Variants in NUDT21 observed in about 807,000 individuals in gnomAD.
NUDT21 encodes the protein cleavage and polyadenylation specificity factor subunit 5.
In NUDT21, 5 loss-of-function variants were observed where a neutral mutation model predicts 29.8. The observed-to-expected ratio is 0.17, with a 90% confidence interval of 0.09 to 0.35. The LOEUF is 0.35. NUDT21 is among the 10% of genes least tolerant of loss of function. The pLI is 1.00. For synonymous variants in NUDT21, 113 were observed against 98.5 expected, an observed-to-expected ratio of 1.15 and a Z score of -0.87; for missense variants, 76 against 276.0, an observed-to-expected ratio of 0.28 and a Z score of 5.13.
rs1279874341 is a variant in NUDT21 at position 56,430,502 on chromosome 16, TAATC to T, written c.*2206_*2209del. On this transcript the variant is annotated 3_prime_UTR_variant, in exon 7 of 7. Transcript: ENST00000300291. ...AAGCCACTAAAAAATATGGGTCTAT[TAATC>T]AAGAGCCCATTTCAAAATGATAAGA... is the stretch of plus-strand genomic sequence containing the variant. 4 of 152,226 alleles carry T rather than the reference TAATC, an allele frequency of 2.6e-5. No homozygotes were observed. The highest frequency in any genetic ancestry group is 9.6e-5 in the African/African-American group (4 of 41,462). 9.4% of individuals were successfully genotyped at this position (152,226 alleles called of 1,614,324 possible).
At position 56,430,975 on chromosome 16, in the gene NUDT21, A is replaced by T. The variant is rs1350946713; in HGVS notation, c.*1737T>A. 2 of 152,212 alleles carry T rather than the reference A, an allele frequency of 1.3e-5. No homozygotes were observed. Among genetic ancestry groups the T allele is most frequent in the African/African-American group, 4.8e-5 (2 of 41,460 alleles). 9.4% of individuals were successfully genotyped at this position (152,212 alleles called of 1,614,324 possible). A position where few individuals can be genotyped will look rare whatever the true frequency, so the allele number is the denominator to read the frequency against. On this transcript the variant is annotated 3_prime_UTR_variant, in exon 7 of 7. Coordinates refer to ENST00000300291, the MANE Select transcript of NUDT21 (RefSeq NM_007006.3). The stretch of plus-strand genomic sequence containing the variant: ...TCGAATCAGATGACTCTTCAACTCA[A>T]ACACTCCTTACTGAGAGTACTTTAT...
At chr16:56,443,219 C>T (rs1398029414) in intron 3 of NUDT21, among the ~76,000 whole-genome samples, 1 of 151,718 alleles carries the variant, frequency 6.6e-6, no homozygotes, top group Non-Finnish European at 1.5e-5. Context: ...CTCTGTTGCC[C>T]AGGCTGGCGT....
Position 56,432,373 on chromosome 16 carries a change from T to G in NUDT21, c.*339A>C, listed in dbSNP as rs1356961954. The G allele has an allele frequency of 9.8e-6, 2 of 204,728 alleles. No homozygotes were observed. Among genetic ancestry groups the G allele is most frequent in the African/African-American group, 4.6e-5 (2 of 43,318 alleles). The allele number at this position is 204,728 out of a possible 1,614,324, so 12.7% of individuals were successfully genotyped here. On this transcript the variant is annotated 3_prime_UTR_variant, in exon 7 of 7. Coordinates refer to ENST00000300291, the MANE Select transcript of NUDT21 (RefSeq NM_007006.3). ...TGACTGACTTAAACCTGTCATTGTG[T>G]TGCAACATTCACCATCCTAAGGTGG...
At chr16:56,449,346 T>C (rs1368773098) in intron 1 of NUDT21, 2 of 152,212 alleles carry the variant, frequency 1.3e-5, no homozygotes, top group African/African-American at 4.8e-5. Context: ...AAGCAGGGGC[T>C]ACACCTTACT....
chr16:56,434,591 A>T lies in NUDT21; in HGVS notation c.548-146T>A. ...ACATTTTGGTTGTGTCTTTCAAGGTAGATTTCCTAGCCACAGATTTGAAAC... is the reference window on the plus strand; with the variant it reads ...ACATTTTGGTTGTGTCTTTCAAGGTTGATTTCCTAGCCACAGATTTGAAAC... On this transcript the variant is annotated intron_variant, in intron 5 of 6. Transcript: ENST00000300291. The T allele has an allele frequency of 1.2e-5, 9 of 770,704 alleles. No individual in the cohort carries two copies. In the Admixed American group the frequency reaches 1.8e-4, roughly 15 times the overall value. The allele number at this position is 770,704 out of a possible 1,614,324, so 47.7% of individuals were successfully genotyped here.
At chr16:56,436,716 T>C (rs1204811403) in intron 4 of NUDT21, among the ~76,000 whole-genome samples, 1 of 152,232 alleles carries the variant, frequency 6.6e-6, no homozygotes, top group Non-Finnish European at 1.5e-5. Context: ...TTTTAAGCCT[T>C]TCTTCTCTGG....
chr16:56,448,044 G>A, intron 1 of NUDT21, 55 bp from the exon 2 acceptor site: 1 of 1,472,456 alleles, frequency 6.8e-7, no homozygotes, highest in South Asian at 1.2e-5. Context: ...AATTTACCAT[G>A]ACAGACATTA....
intron 3 of NUDT21, among the ~76,000 whole-genome samples, chr16:56,445,411 C>T (rs1425980099): frequency 6.6e-6 from 1 of 152,192 alleles, no homozygotes; most frequent in Non-Finnish European, 1.5e-5. Flanking sequence ...AAGCATTTAT[C>T]CTTTGTGCTA....
intron 4 of NUDT21, among the ~76,000 whole-genome samples, chr16:56,438,452 G>A (rs1324482871): frequency 9.9e-5 from 15 of 152,226 alleles, no homozygotes; most frequent in African/African-American, 3.1e-4. Context: ...GTGTAAGCTC[G>A]GGATCAGATA....
intron 4 of NUDT21, among the ~76,000 whole-genome samples, chr16:56,438,836 A>C (rs1043394370): frequency 3.3e-5 from 5 of 152,224 alleles, no homozygotes. Context: ...GACTTTAGAG[A>C]CTATCCTAAT....
intron 1 of NUDT21, chr16:56,449,260 G>A (rs2143947044): frequency 6.6e-6 from 1 of 152,346 alleles, no homozygotes. Flanking sequence ...AAGATGAAAT[G>A]TCAGAATTTT....
At chr16:56,436,457 C>A (rs1370221766) in intron 4 of NUDT21, among the ~76,000 whole-genome samples, 1 of 152,160 alleles carries the variant, frequency 6.6e-6, no homozygotes. Context: ...AACCAGTATT[C>A]CAGTTAGAAT....
chr16:56,444,071 G>A (rs533981955), intron 3 of NUDT21, among the ~76,000 whole-genome samples: 1 of 152,216 alleles, frequency 6.6e-6, no homozygotes, highest in South Asian at 2.1e-4. Context: ...CTTCAGGCCA[G>A]GAGTTTGAGA....
At chr16:56,450,669 C>A (rs1962287698) in intron 1 of NUDT21, among the ~76,000 whole-genome samples, 1 of 152,222 alleles carries the variant, frequency 6.6e-6, no homozygotes, top group South Asian at 2.1e-4. Flanking sequence ...AGAGTGAAAT[C>A]TGCAAAAATG....
chr16:56,435,047 C>T (rs1962080724), intron 4 of NUDT21: 1 of 363,220 alleles, frequency 2.8e-6, no homozygotes, highest in Admixed American at 4.5e-5. Flanking sequence ...AATATGTAGT[C>T]ACAGGATTTA....
At chr16:56,450,504 T>A (rs1342219015) in intron 1 of NUDT21, among the ~76,000 whole-genome samples, 1 of 152,120 alleles carries the variant, frequency 6.6e-6, no homozygotes, top group African/African-American at 2.4e-5. Flanking sequence ...CATTGAGACA[T>A]CAGACGACGC....
chr16:56,441,330 A>T (rs1251009708), intron 3 of NUDT21, among the ~76,000 whole-genome samples: 1 of 152,048 alleles, frequency 6.6e-6, no homozygotes, highest in Non-Finnish European at 1.5e-5. Flanking sequence ...TCCACCACCC[A>T]GGTCCAAGCG....
rs553218237 is a variant in NUDT21 at position 56,451,295 on chromosome 16, G to T, written c.-93C>A. 4.1e-6 allele frequency: 4 copies of T among 978,752 alleles called. No individual in the cohort carries two copies. Among genetic ancestry groups the T allele is most frequent in the Non-Finnish European group, 4.6e-6 (3 of 655,774 alleles). The allele number at this position is 978,752 out of a possible 1,614,324, so 60.6% of individuals were successfully genotyped here. ...AGCGGTTATCTGCAATCCCCTCAGC[G>T]GCTACTGCCCGCCATTAACAGGACA... On this transcript the variant is annotated 5_prime_UTR_variant, in exon 1 of 7. Coordinates refer to ENST00000300291, the MANE Select transcript of NUDT21 (RefSeq NM_007006.3).
At chr16:56,436,291 C>T (rs1962103248) in intron 4 of NUDT21, among the ~76,000 whole-genome samples, 1 of 152,098 alleles carries the variant, frequency 6.6e-6, no homozygotes, top group African/African-American at 2.4e-5. Context: ...TTAGCATCAT[C>T]CTCAATTTAC....
Sources: gnomAD v4.1 joint callset for allele counts (sites outside exome capture counted in the v4.1 genomes callset) on GRCh38, gnomAD v4.1.1 for gene constraint, MANE v1.5 for transcripts, NCBI Gene and HGNC (gene_info 2026-07-23, HGNC 2026-07-21) for gene names.